The following PDE10A variants were observed in gnomAD, a reference collection of about 807,000 sequenced individuals.
PDE10A encodes the protein cAMP and cAMP-inhibited cGMP 3',5'-cyclic phosphodiesterase 10A.
Under a neutral mutation model 97.7 loss-of-function variants are expected in PDE10A, and 39 were observed. The ratio of observed to expected loss-of-function variants is 0.40; its 90% CI spans 0.31 to 0.52. PDE10A has a LOEUF of 0.52. Among genes scored for constraint, PDE10A ranks in the 20% least tolerant of loss-of-function variants. The pLI, the probability that PDE10A is intolerant of heterozygous loss-of-function variation, is 0.56. For missense variants in PDE10A, 731 were observed against 1,047.8 expected, an observed-to-expected ratio of 0.70 and a Z score of 4.17; for synonymous variants, 371 against 376.8, an observed-to-expected ratio of 0.98 and a Z score of 0.18.
intron 1 of PDE10A, among the ~76,000 whole-genome samples, chr6:165,811,852 T>G (rs1393126373): frequency 6.8e-6 from 1 of 146,586 alleles, no homozygotes; most frequent in Non-Finnish European, 1.5e-5. Context: ...GTCTTTTATT[T>G]TTTATTTTTT....
At chr6:165,499,545 G>A (rs1388748521) in intron 2 of PDE10A, among the ~76,000 whole-genome samples, 1 of 152,112 alleles carries the variant, frequency 6.6e-6, no homozygotes, top group Non-Finnish European at 1.5e-5. Context: ...ATAGCTCATG[G>A]ACAATTCTGA....
chr6:165,487,689 GAAAT>G (rs904969434), intron 2 of PDE10A, among the ~76,000 whole-genome samples: 5 of 152,160 alleles, frequency 3.3e-5, no homozygotes, highest in African/African-American at 1.2e-4. Context: ...AGTTCAAAGT[GAAAT>G]AAGTTAACAA....
intron 2 of PDE10A, among the ~76,000 whole-genome samples, chr6:165,496,167 G>A (rs187994569): frequency 8.1e-4 from 123 of 152,120 alleles, no homozygotes; most frequent in African/African-American, 1.1e-3. Context: ...ACGTTGAGAC[G>A]CAAGTGTGCC....
chr6:165,466,931 G>A (rs1778688807), intron 3 of PDE10A, among the ~76,000 whole-genome samples: 1 of 152,114 alleles, frequency 6.6e-6, no homozygotes, highest in Non-Finnish European at 1.5e-5. Flanking sequence ...GTGAAGTTGT[G>A]AACGCAAAGA....
chr6:165,918,474 C>A (rs75288195), intron 1 of PDE10A, among the ~76,000 whole-genome samples: 1 of 152,088 alleles, frequency 6.6e-6, no homozygotes, highest in South Asian at 2.1e-4. Context: ...AAAGTTGTGC[C>A]GGAAATCCTT....
At chr6:165,890,839 A>G (rs2128482236) in intron 1 of PDE10A, among the ~76,000 whole-genome samples, 1 of 152,346 alleles carries the variant, frequency 6.6e-6, no homozygotes, top group South Asian at 2.1e-4. Flanking sequence ...CAAAAGAAAC[A>G]AAGGCTGTAA....
At chr6:165,654,064 T>C (rs996159898) in intron 1 of PDE10A, among the ~76,000 whole-genome samples, 3 of 152,174 alleles carry the variant, frequency 2.0e-5, no homozygotes. Context: ...ACTCTACTGG[T>C]CAACTTGCAT....
At chr6:165,861,096 C>T (rs755999585) in intron 1 of PDE10A, among the ~76,000 whole-genome samples, 24 of 152,156 alleles carry the variant, frequency 1.6e-4, no homozygotes, top group African/African-American at 5.6e-4. Context: ...TTTGTTTCCA[C>T]GAAGAGTGTT....
At chr6:165,981,828 C>T (rs1306602254) in intron 1 of PDE10A, among the ~76,000 whole-genome samples, 1 of 151,646 alleles carries the variant, frequency 6.6e-6, no homozygotes, top group African/African-American at 2.4e-5. Context: ...TGATGTAAAT[C>T]ACCCTTTGAG....
chr6:165,333,775 G>A (rs764748664), intron 21 of PDE10A, among the ~76,000 whole-genome samples: 24 of 152,098 alleles, frequency 1.6e-4, no homozygotes, highest in Admixed American at 4.6e-4. Flanking sequence ...CACAGGCATC[G>A]TCATCTTCTC....
chr6:165,628,462 T>C (rs145350221), intron 1 of PDE10A, among the ~76,000 whole-genome samples: 1,679 of 152,200 alleles, frequency 0.011, 26 homozygotes, highest in African/African-American at 0.039. Flanking sequence ...CAAGATATCC[T>C]CTAGCCTGAG....
intron 2 of PDE10A, among the ~76,000 whole-genome samples, chr6:165,485,535 A>G (rs1405096499): frequency 6.6e-6 from 1 of 151,546 alleles, no homozygotes; most frequent in Non-Finnish European, 1.5e-5. Flanking sequence ...GTACACCAAG[A>G]ACACAGGCAA....
chr6:165,427,759 CTT>C (rs934525970), intron 10 of PDE10A, among the ~76,000 whole-genome samples: 84 of 152,072 alleles, frequency 5.5e-4, no homozygotes, highest in African/African-American at 2.0e-3. Flanking sequence ...TACATTATAA[CTT>C]TATATTTTTC....
intron 1 of PDE10A, among the ~76,000 whole-genome samples, chr6:165,559,344 T>C (rs759681810): frequency 6.6e-6 from 1 of 152,212 alleles, no homozygotes; most frequent in Non-Finnish European, 1.5e-5. Flanking sequence ...ATTTTGATAA[T>C]AGCTGAAGAT....
chr6:165,806,200 G>A (rs1779134804), intron 1 of PDE10A, among the ~76,000 whole-genome samples: 1 of 152,058 alleles, frequency 6.6e-6, no homozygotes, highest in Non-Finnish European at 1.5e-5. Flanking sequence ...GTCAGTCAAC[G>A]TGGCTGTGCT....
intron 5 of PDE10A, among the ~76,000 whole-genome samples, chr6:165,436,503 G>C (rs1229152478): frequency 6.6e-6 from 1 of 152,022 alleles, no homozygotes; most frequent in African/African-American, 2.4e-5. Flanking sequence ...CTTTAACCTT[G>C]GGTACTTGAA....
In PDE10A at chr6:165,465,915, G is replaced by T. The variant is rs1778618960; in HGVS notation, c.1024-15553C>A. 2.0e-5 allele frequency among the ~76,000 whole-genome samples: 3 copies of T among 152,088 alleles called. 1 individual carries two copies. In the South Asian group the frequency reaches 6.2e-4, roughly 32 times the overall value. On this transcript the variant is annotated intron_variant, in intron 3 of 21. Transcript: ENST00000539869. ...CGAAGTTTAGAGAATGCATCTTAAA[G>T]AATGCTAGCACAGATGACAGAAACT... is the stretch of plus-strand genomic sequence containing the variant.
chr6:165,471,272 C>T (rs1448837129), intron 3 of PDE10A, among the ~76,000 whole-genome samples: 1 of 152,104 alleles, frequency 6.6e-6, no homozygotes. Context: ...CTACTTCTTC[C>T]TCCCTTAGAA....
chr6:165,875,573 G>T (rs1280512196), intron 1 of PDE10A, among the ~76,000 whole-genome samples: 1 of 152,056 alleles, frequency 6.6e-6, no homozygotes, highest in Admixed American at 6.6e-5. Context: ...TTTTTACTCA[G>T]GAAAACATTC....
Sources: gnomAD v4.1 joint callset for allele counts (sites outside exome capture counted in the v4.1 genomes callset) on GRCh38, gnomAD v4.1.1 for gene constraint, MANE v1.5 for transcripts, NCBI Gene and HGNC (gene_info 2026-07-23, HGNC 2026-07-21) for gene names.